The following PTH2R variants were observed in gnomAD, a reference collection of about 807,000 sequenced individuals.
PTH2R encodes the protein parathyroid hormone 2 receptor, also known as PTH2 receptor.
Under a neutral mutation model 60.3 loss-of-function variants are expected in PTH2R, and 59 were observed. The observed-to-expected ratio is 0.98, with a 90% CI of 0.79 to 1.22. The LOEUF is 1.22. Among genes scored for constraint, PTH2R ranks in the 50% most tolerant of loss-of-function variants. The pLI, the probability that PTH2R is intolerant of heterozygous loss-of-function variation, is 0.00. For missense variants in PTH2R, 749 were observed against 682.6 expected (o/e 1.10, Z -1.08); for synonymous variants, 256 against 243.8 (o/e 1.05, Z -0.47).
In PTH2R at chr2:208,392,326, T is replaced by TAATAAC. The variant is rs2125883264; in HGVS notation, c.-259+32089_-259+32090insAATAAC. ...GGCTATTACAGGGTTTGAGGAGGCC[T>TAATAAC]CTAATCTTTAGGTTATTAATAATGG... On this transcript the variant is annotated intron_variant, in intron 1 of 12. Transcript: ENST00000617735. 3.3e-5 allele frequency among the ~76,000 whole-genome samples: 5 copies of TAATAAC among 152,304 alleles called. 1 individual carries two copies. The highest frequency in any genetic ancestry group is 1.2e-4 in the African/African-American group (5 of 41,562).
intron 1 of PTH2R, among the ~76,000 whole-genome samples, chr2:208,369,367 TC>T (rs373090197): frequency 0.15 from 6,697 of 45,674 alleles, 580 homozygotes; most frequent in African/African-American, 0.31. Context: ...CTGGTCTCTC[TC>T]TCTTTTTTTT....
chr2:208,441,253 C>T (rs146926123), intron 4 of PTH2R, among the ~76,000 whole-genome samples: 2 of 152,270 alleles, frequency 1.3e-5, no homozygotes, highest in East Asian at 3.9e-4. Context: ...TACAAATAAA[C>T]AGCCAGGTGA....
At chr2:208,366,439 G>T (rs979390618) in intron 1 of PTH2R, among the ~76,000 whole-genome samples, 4 of 152,066 alleles carry the variant, frequency 2.6e-5, no homozygotes, top group Admixed American at 2.0e-4. Flanking sequence ...TTATAATGGG[G>T]TGTCCTTATT....
chr2:208,423,177 A>C (rs951546864), intron 1 of PTH2R, among the ~76,000 whole-genome samples: 31 of 150,702 alleles, frequency 2.1e-4, no homozygotes, highest in African/African-American at 7.6e-4. Context: ...GGGGTGGGAG[A>C]TTATATTACT....
intron 4 of PTH2R, among the ~76,000 whole-genome samples, chr2:208,441,099 G>A (rs988377029): frequency 4.6e-5 from 7 of 152,298 alleles, no homozygotes; most frequent in East Asian, 3.9e-4. Flanking sequence ...TGCAAGACCA[G>A]GCCCCTGAAC....
intron 1 of PTH2R, among the ~76,000 whole-genome samples, chr2:208,401,341 T>A (rs1490693574): frequency 1.3e-5 from 2 of 152,158 alleles, no homozygotes; most frequent in African/African-American, 4.8e-5. Context: ...TGAGGAGAGT[T>A]AGGATTAGCA....
chr2:208,386,392 G>C (rs976907863), intron 1 of PTH2R, among the ~76,000 whole-genome samples: 1 of 152,176 alleles, frequency 6.6e-6, no homozygotes, highest in African/African-American at 2.4e-5. Flanking sequence ...CATATCTTGT[G>C]TACTGTATCT....
intron 5 of PTH2R, 39 bp downstream of exon 5, chr2:208,442,500 T>C (rs1319794793): frequency 2.1e-6 from 3 of 1,439,238 alleles, no homozygotes; most frequent in East Asian, 2.3e-5. Context: ...AAGGGGCACA[T>C]TGTCTTTCCT....
At chr2:208,415,860 T>G (rs1420714295) in intron 1 of PTH2R, among the ~76,000 whole-genome samples, 2 of 152,240 alleles carry the variant, frequency 1.3e-5, no homozygotes, top group Non-Finnish European at 2.9e-5. Flanking sequence ...GAAAGCCATT[T>G]ACCAATGGTG....
At chr2:208,465,448 G>A (rs866361606) in intron 9 of PTH2R, among the ~76,000 whole-genome samples, 17 of 114,422 alleles carry the variant, frequency 1.5e-4, no homozygotes, top group Admixed American at 5.3e-4. Flanking sequence ...TGTCACCCAG[G>A]CTGGAGTGCA....
intron 9 of PTH2R, among the ~76,000 whole-genome samples, chr2:208,466,862 T>C (rs560268864): frequency 4.6e-4 from 70 of 152,316 alleles, no homozygotes; most frequent in African/African-American, 1.6e-3. Context: ...CTATTGATTG[T>C]TTCCTTTGCT....
At chr2:208,425,491 G>T (rs538166603) in intron 1 of PTH2R, among the ~76,000 whole-genome samples, 24 of 152,300 alleles carry the variant, frequency 1.6e-4, no homozygotes, top group African/African-American at 4.8e-4. Context: ...CTCTTAATTT[G>T]CATATAAGTG....
chr2:208,455,081 C>G (rs900240673), intron 8 of PTH2R, among the ~76,000 whole-genome samples: 1 of 152,076 alleles, frequency 6.6e-6, no homozygotes, highest in South Asian at 2.1e-4. Context: ...TACTTTGATC[C>G]CTTTATGCTA....
intron 1 of PTH2R, among the ~76,000 whole-genome samples, chr2:208,407,328 G>C (rs1025631506): frequency 1.3e-5 from 2 of 152,152 alleles, no homozygotes; most frequent in African/African-American, 4.8e-5. Flanking sequence ...TGATGTCCTG[G>C]GGCCGGCACT....
At chr2:208,426,730 C>T (rs1701865272) in intron 1 of PTH2R, among the ~76,000 whole-genome samples, 1 of 152,170 alleles carries the variant, frequency 6.6e-6, no homozygotes, top group African/African-American at 2.4e-5. Flanking sequence ...AAGAAGGTGC[C>T]TCCTTCTCCT....
intron 9 of PTH2R, among the ~76,000 whole-genome samples, chr2:208,462,851 G>A (rs1702661100): frequency 6.6e-6 from 1 of 152,216 alleles, no homozygotes; most frequent in South Asian, 2.1e-4. Flanking sequence ...AGCTGAGGCT[G>A]CAAAGGAGGC....
Position 208,397,309 on chromosome 2 carries a change from A to G in PTH2R, c.-258-30892A>G, listed in dbSNP as rs570550901. On this transcript the variant is annotated intron_variant, in intron 1 of 12. Transcript: ENST00000617735. The stretch of plus-strand genomic sequence containing the variant: ...CCCTAGAATTTAAAGTATAATTAAA[A>G]AAAAAAAGAGGCCAAGAGCACCTTG... 2.0e-5 allele frequency among the ~76,000 whole-genome samples: 3 copies of G among 152,260 alleles called. No homozygotes were observed. The East Asian group carries it at 5.8e-4, about 29-fold the overall frequency.
chr2:208,411,717 G>A (rs1701542952), intron 1 of PTH2R, among the ~76,000 whole-genome samples: 1 of 151,362 alleles, frequency 6.6e-6, no homozygotes, highest in African/African-American at 2.4e-5. Flanking sequence ...CTTTTCTCTG[G>A]GTTATTCATT....
intron 1 of PTH2R, among the ~76,000 whole-genome samples, chr2:208,365,957 TATA>T (rs1364738164): frequency 2.8e-3 from 58 of 20,728 alleles, no homozygotes; most frequent in Admixed American, 4.6e-3. Flanking sequence ...TATATATATA[TATA>T]TTTTTTTTTT....
Sources: allele counts gnomAD v4.1 joint callset (sites outside exome capture counted in the v4.1 genomes callset), GRCh38; gene constraint gnomAD v4.1.1; transcripts MANE v1.5; gene names NCBI Gene and HGNC (gene_info 2026-07-23, HGNC 2026-07-21).